Variants in STK32A observed in about 807,000 individuals in gnomAD.
STK32A encodes the protein serine/threonine kinase 32A.
Under a neutral mutation model 53.2 loss-of-function variants are expected in STK32A, and 41 were observed. The observed-to-expected ratio is 0.77, with a 90% CI of 0.60 to 1.00. The LOEUF (loss-of-function observed/expected upper bound fraction) is 1.00. Among genes scored for constraint, STK32A ranks in the 50% least tolerant of loss-of-function variants. The pLI is 0.00. For synonymous variants in STK32A, 166 were observed against 162.8 expected, an observed-to-expected ratio of 1.02 and a Z score of -0.15; for missense variants, 458 against 485.8, an observed-to-expected ratio of 0.94 and a Z score of 0.54.
At chr5:147,367,447 G>C (rs1026932422) in intron 8 of STK32A, among the ~76,000 whole-genome samples, 2 of 152,156 alleles carry the variant, frequency 1.3e-5, no homozygotes, top group Admixed American at 1.3e-4. Context: ...AACAGGCTTT[G>C]TGTGAGCAAC....
intron 4 of STK32A, among the ~76,000 whole-genome samples, chr5:147,295,808 A>G (rs1408974040): frequency 8.5e-5 from 13 of 152,074 alleles, no homozygotes; most frequent in Admixed American, 5.2e-4. Flanking sequence ...TTAAATTTGT[A>G]CTTCTAAAGG....
At chr5:147,393,696 C>T in the STK32A span, 1 of 221,324 alleles carries the variant, frequency 4.5e-6, no homozygotes, top group Non-Finnish European at 9.1e-6. Flanking sequence ...TCCCTGACGT[C>T]CCAGCTTGTC....
At position 147,275,803 on chromosome 5, in the gene STK32A, G is replaced by C. The variant is rs1183994855; in HGVS notation, c.53-2321G>C. ...TCCCTTTTCTGAGAAGTGACCTTTG[G>C]GAGGTCACATTTAGTTAAAGCAGTT... On this transcript the variant is annotated intron_variant, in intron 2 of 12. Coordinates refer to ENST00000397936, the MANE Select transcript of STK32A (RefSeq NM_001112724.2). Among the ~76,000 whole-genome samples, 8 of 152,074 alleles carry C rather than the reference G, an allele frequency of 5.3e-5. No individual in the cohort carries two copies. The East Asian group carries it at 1.4e-3, about 26-fold the overall frequency.
chr5:147,325,042 G>A (rs1222298844), intron 5 of STK32A, among the ~76,000 whole-genome samples: 1 of 152,128 alleles, frequency 6.6e-6, no homozygotes, highest in Non-Finnish European at 1.5e-5. Context: ...AAATAGCGTA[G>A]CCAGGATTTA....
chr5:147,255,687 AG>A (rs1335909086), intron 2 of STK32A, among the ~76,000 whole-genome samples: 1 of 152,200 alleles, frequency 6.6e-6, no homozygotes, highest in Non-Finnish European at 1.5e-5. Flanking sequence ...ATCATGTCTA[AG>A]GCTATTTTAT....
intron 4 of STK32A, among the ~76,000 whole-genome samples, chr5:147,291,059 T>C (rs1752577834): frequency 6.6e-6 from 1 of 152,152 alleles, no homozygotes; most frequent in African/African-American, 2.4e-5. Flanking sequence ...GGCTTTAAAA[T>C]ACTGTCCTTG....
chr5:147,336,031 C>T (rs1755102313), intron 5 of STK32A, among the ~76,000 whole-genome samples: 1 of 152,154 alleles, frequency 6.6e-6, no homozygotes, highest in Non-Finnish European at 1.5e-5. Flanking sequence ...CTACTGCTTC[C>T]CAAATCAACC....
chr5:147,347,426 G>A (rs375885087), intron 6 of STK32A, among the ~76,000 whole-genome samples: 169 of 152,170 alleles, frequency 1.1e-3, no homozygotes, highest in African/African-American at 2.7e-3. Context: ...TCAACTGGGC[G>A]TAATTTTGCT....
At chr5:147,310,783 A>AT (rs35951042) in intron 4 of STK32A, among the ~76,000 whole-genome samples, 34,670 of 151,972 alleles carry the variant, frequency 0.23, 4,141 homozygotes, top group African/African-American at 0.25. Flanking sequence ...GGAGAGCAAA[A>AT]TGTTGTTATT....
intron 5 of STK32A, 32 bp downstream of exon 5, chr5:147,324,103 G>A (rs371920871): frequency 1.0e-5 from 16 of 1,557,142 alleles, no homozygotes; most frequent in East Asian, 9.3e-5. Flanking sequence ...GGCCATGAAC[G>A]TAACGCAAGG....
intron 4 of STK32A, among the ~76,000 whole-genome samples, chr5:147,298,819 A>G (rs778631984): frequency 6.6e-6 from 1 of 152,236 alleles, no homozygotes; most frequent in South Asian, 2.1e-4. Context: ...CTAGAGAATA[A>G]CACATGAAAC....
chr5:147,280,246 C>T (rs1467603175), intron 4 of STK32A, among the ~76,000 whole-genome samples: 4 of 152,040 alleles, frequency 2.6e-5, no homozygotes, highest in South Asian at 2.1e-4. Context: ...GGTGAGAAAG[C>T]GCCTGGCCAG....
At chr5:147,283,665 C>G (rs1027597424) in intron 4 of STK32A, among the ~76,000 whole-genome samples, 1 of 152,016 alleles carries the variant, frequency 6.6e-6, no homozygotes, top group Non-Finnish European at 1.5e-5. Context: ...ACTATGAACA[C>G]CTTTATGCAC....
chr5:147,240,941 C>T (rs1305675365), intron 2 of STK32A, among the ~76,000 whole-genome samples: 1 of 152,140 alleles, frequency 6.6e-6, no homozygotes, highest in African/African-American at 2.4e-5. Flanking sequence ...AGGTTATGCC[C>T]ACTTATTTAT....
chr5:147,319,354 G>T (rs374089507), intron 4 of STK32A, among the ~76,000 whole-genome samples: 223 of 152,110 alleles, frequency 1.5e-3, no homozygotes, highest in African/African-American at 5.2e-3. Context: ...ATGTTAGCCA[G>T]GATGGTCTCG....
At chr5:147,316,612 A>C (rs1753999931) in intron 4 of STK32A, among the ~76,000 whole-genome samples, 2 of 152,106 alleles carry the variant, frequency 1.3e-5, no homozygotes, top group African/African-American at 4.8e-5. Flanking sequence ...GAAACAAACA[A>C]ATCATTTTGA....
At chr5:147,321,084 C>A (rs192879450) in intron 4 of STK32A, among the ~76,000 whole-genome samples, 2 of 152,276 alleles carry the variant, frequency 1.3e-5, no homozygotes, top group Admixed American at 6.5e-5. Flanking sequence ...GGGTGGTGAA[C>A]TTTTATTAGT....
intron 5 of STK32A, among the ~76,000 whole-genome samples, chr5:147,325,753 A>G (rs572985884): frequency 6.6e-6 from 1 of 152,230 alleles, no homozygotes; most frequent in South Asian, 2.1e-4. Flanking sequence ...TCAAGCACTC[A>G]TCTTCCCATA....
intron 8 of STK32A, among the ~76,000 whole-genome samples, chr5:147,370,418 TA>T (rs1756956793): frequency 6.6e-6 from 1 of 152,180 alleles, no homozygotes; most frequent in Admixed American, 6.5e-5. Context: ...TGTTCAACTT[TA>T]AAATTTATGG....
Sources: gnomAD v4.1 joint callset for allele counts (sites outside exome capture counted in the v4.1 genomes callset) on GRCh38, gnomAD v4.1.1 for gene constraint, MANE v1.5 for transcripts, NCBI Gene and HGNC (gene_info 2026-07-23, HGNC 2026-07-21) for gene names.